WDR70: variants seen among roughly 807,000 people sequenced by gnomAD.
WDR70 encodes WD repeat domain 70.
A neutral mutation model predicts 88.6 loss-of-function variants in WDR70; 53 were observed. That is an observed-to-expected ratio of 0.60 (90% CI 0.48 to 0.75). WDR70 has a LOEUF of 0.75. Ranked by LOEUF, WDR70 falls within the 30% of genes least tolerant of loss-of-function variation. WDR70 has a pLI of 0.00. For missense variants in WDR70, 610 were observed against 823.2 expected (o/e 0.74, Z 3.17); for synonymous variants, 280 against 270.0 (o/e 1.04, Z -0.36).
chr5:37,512,986 C>T (rs568104767), intron 8 of WDR70, among the ~76,000 whole-genome samples: 1 of 152,280 alleles, frequency 6.6e-6, no homozygotes, highest in African/African-American at 2.4e-5. Context: ...GGGCCATCAA[C>T]CCACTTACAG....
intron 9 of WDR70, among the ~76,000 whole-genome samples, chr5:37,581,609 A>G (rs1743218634): frequency 6.6e-6 from 1 of 152,210 alleles, no homozygotes; most frequent in Admixed American, 6.5e-5. Flanking sequence ...CAGTCTAAAT[A>G]TAAAATCAGC....
chr5:37,528,318 T>C (rs571223465), intron 9 of WDR70, among the ~76,000 whole-genome samples: 1 of 152,330 alleles, frequency 6.6e-6, no homozygotes, highest in East Asian at 1.9e-4. Flanking sequence ...GATGAGTTCA[T>C]GTCCGTTGTA....
intron 13 of WDR70, among the ~76,000 whole-genome samples, chr5:37,705,126 C>CT (rs974162786): frequency 6.6e-6 from 1 of 151,974 alleles, no homozygotes; most frequent in African/African-American, 2.4e-5. Context: ...CTTGAAATAC[C>CT]TATAGGACTT....
chr5:37,519,539 C>T (rs76045701), intron 9 of WDR70, among the ~76,000 whole-genome samples: 33 of 147,250 alleles, frequency 2.2e-4, no homozygotes, highest in South Asian at 1.5e-3. Flanking sequence ...GACGGGGCGG[C>T]GGGGCGGAGG....
chr5:37,551,768 G>GTTTTTTTTTTTT (rs1176757597), intron 9 of WDR70, among the ~76,000 whole-genome samples: 1 of 92,726 alleles, frequency 1.1e-5, no homozygotes, highest in African/African-American at 4.2e-5. Flanking sequence ...TCATTGTTTA[G>GTTTTTTTTTTTT]TTTTTTTTTT....
intron 8 of WDR70, among the ~76,000 whole-genome samples, chr5:37,495,253 A>G (rs1740179701): frequency 6.6e-6 from 1 of 152,124 alleles, no homozygotes; most frequent in Non-Finnish European, 1.5e-5. Flanking sequence ...AGTTCCCAGT[A>G]TATTCCCTAC....
chr5:37,699,527 C>T (rs1232515859), intron 11 of WDR70, among the ~76,000 whole-genome samples: 1 of 152,098 alleles, frequency 6.6e-6, no homozygotes, highest in Non-Finnish European at 1.5e-5. Context: ...GTCTATTCAG[C>T]AAAGAATCCT....
intron 17 of WDR70, among the ~76,000 whole-genome samples, chr5:37,734,085 G>A (rs1264183197): frequency 6.6e-6 from 1 of 151,954 alleles, no homozygotes; most frequent in African/African-American, 2.4e-5. Flanking sequence ...AGCTTGGGGT[G>A]TATAGGTATA....
intron 9 of WDR70, among the ~76,000 whole-genome samples, chr5:37,602,803 C>T (rs1185991144): frequency 6.6e-6 from 1 of 151,484 alleles, no homozygotes; most frequent in South Asian, 2.1e-4. Context: ...ATGGTGAAAC[C>T]CCATCTCTAC....
chr5:37,558,514 T>G (rs1742383379), intron 9 of WDR70, among the ~76,000 whole-genome samples: 1 of 151,744 alleles, frequency 6.6e-6, no homozygotes, highest in African/African-American at 2.4e-5. Flanking sequence ...TTTTTAGAGA[T>G]AGGGTTTTGC....
chr5:37,675,415 G>A (rs1489199977), intron 10 of WDR70, among the ~76,000 whole-genome samples: 1 of 151,964 alleles, frequency 6.6e-6, no homozygotes, highest in Non-Finnish European at 1.5e-5. Context: ...TTTGTATAAG[G>A]TGTAAGGAAG....
intron 17 of WDR70, among the ~76,000 whole-genome samples, chr5:37,747,673 A>G (rs1174963078): frequency 6.6e-5 from 10 of 152,204 alleles, no homozygotes; most frequent in African/African-American, 2.4e-4. Flanking sequence ...AGAGGTATTC[A>G]GATAGGAAGA....
chr5:37,598,414 A>G (rs776003970), intron 9 of WDR70, among the ~76,000 whole-genome samples: 1 of 152,212 alleles, frequency 6.6e-6, no homozygotes, highest in Non-Finnish European at 1.5e-5. Context: ...TAGGGATATA[A>G]ACATATCTAG....
At chr5:37,548,724 A>G (rs1421558691) in intron 9 of WDR70, among the ~76,000 whole-genome samples, 1 of 152,132 alleles carries the variant, frequency 6.6e-6, no homozygotes, top group Non-Finnish European at 1.5e-5. Context: ...GCCCAGACCG[A>G]TGTCCTGGAG....
At chr5:37,664,163 T>G (rs906127013) in intron 10 of WDR70, among the ~76,000 whole-genome samples, 1 of 152,178 alleles carries the variant, frequency 6.6e-6, no homozygotes, top group Non-Finnish European at 1.5e-5. Flanking sequence ...ATCCTCCCTG[T>G]CTTCAGTCTT....
At chr5:37,413,491 G>T (rs1749589860) in intron 5 of WDR70, among the ~76,000 whole-genome samples, 1 of 152,138 alleles carries the variant, frequency 6.6e-6, no homozygotes, top group African/African-American at 2.4e-5. Flanking sequence ...GGGAGGCTGA[G>T]GTGGGCAGAT....
At chr5:37,453,361 T>A (rs1738733769) in intron 7 of WDR70, among the ~76,000 whole-genome samples, 1 of 152,222 alleles carries the variant, frequency 6.6e-6, no homozygotes, top group Non-Finnish European at 1.5e-5. Flanking sequence ...AGATATTCGA[T>A]TAACTAAAAG....
At chr5:37,579,750 C>A (rs112350057) in intron 9 of WDR70, among the ~76,000 whole-genome samples, 12 of 152,100 alleles carry the variant, frequency 7.9e-5, no homozygotes, top group African/African-American at 2.9e-4. Flanking sequence ...TTACAGTTTT[C>A]AGTAGACTGG....
intron 9 of WDR70, among the ~76,000 whole-genome samples, chr5:37,522,752 G>A (rs1185269019): frequency 6.6e-6 from 1 of 152,188 alleles, no homozygotes; most frequent in Non-Finnish European, 1.5e-5. Flanking sequence ...TGTGACAGAT[G>A]GCACCTGGAA....
Sources: allele counts gnomAD v4.1 joint callset (sites outside exome capture counted in the v4.1 genomes callset), GRCh38; gene constraint gnomAD v4.1.1; transcripts MANE v1.5; gene names NCBI Gene and HGNC (gene_info 2026-07-23, HGNC 2026-07-21).